The following DYNC1I1 variants were observed in gnomAD, a reference collection of about 807,000 sequenced individuals.
DYNC1I1 encodes the protein cytoplasmic dynein 1 intermediate chain 1.
In DYNC1I1, 43 loss-of-function variants were observed where a neutral mutation model predicts 86.6. That is an observed-to-expected ratio of 0.50 (90% CI 0.39 to 0.64). The LOEUF is 0.64. DYNC1I1 is among the 30% of genes least tolerant of loss of function. The probability of loss-of-function intolerance (pLI) is 0.00; values close to 1 mark genes in which losing one functional copy is unlikely to be tolerated. For missense variants in DYNC1I1, 604 were observed against 788.8 expected, an observed-to-expected ratio of 0.77 and a Z score of 2.81; for synonymous variants, 262 against 283.7, an observed-to-expected ratio of 0.92 and a Z score of 0.77.
chr7:95,892,295 C>T (rs1033349396), intron 6 of DYNC1I1, among the ~76,000 whole-genome samples: 7 of 152,064 alleles, frequency 4.6e-5, no homozygotes, highest in African/African-American at 9.7e-5. Flanking sequence ...CACTGGCCCA[C>T]GCCACCATGC....
intron 6 of DYNC1I1, among the ~76,000 whole-genome samples, chr7:95,944,711 A>G (rs1792345108): frequency 6.6e-6 from 1 of 152,178 alleles, no homozygotes. Context: ...TGATGAGTTC[A>G]TGTCCTTTGG....
At chr7:96,102,659 G>T (rs1427698214), downstream of DYNC1I1, among the ~76,000 whole-genome samples, 14 of 152,146 alleles carry the variant, frequency 9.2e-5, no homozygotes, top group Non-Finnish European at 1.5e-5. Flanking sequence ...TTTGCAGCAG[G>T]TCAAACTGTA....
At chr7:95,947,230 G>T (rs1287481627) in intron 6 of DYNC1I1, among the ~76,000 whole-genome samples, 1 of 152,116 alleles carries the variant, frequency 6.6e-6, no homozygotes, top group Non-Finnish European at 1.5e-5. Context: ...GAAAATCTTA[G>T]GTGCATTTCT....
intron 1 of DYNC1I1, among the ~76,000 whole-genome samples, chr7:95,792,383 C>T (rs940431446): frequency 9.9e-5 from 15 of 152,132 alleles, no homozygotes; most frequent in South Asian, 2.1e-4. Flanking sequence ...TCTGACCGTC[C>T]CCTCCCCTTC....
intron 16 of DYNC1I1, among the ~76,000 whole-genome samples, chr7:96,084,568 G>A (rs42073): frequency 0.41 from 62,040 of 151,054 alleles, 13,561 homozygotes; most frequent in Non-Finnish European, 0.49. Context: ...GATTACAGGC[G>A]CATGCCACAA....
In DYNC1I1 at chr7:95,811,009, A is replaced by T. The variant is rs926881887; in HGVS notation, c.223+503A>T. ...AATGGTGGCAGATTAGCAGCCGATTAACAAGTTTAAATTAATTTGACTTTA... is the reference window on the plus strand; with the variant it reads ...AATGGTGGCAGATTAGCAGCCGATTTACAAGTTTAAATTAATTTGACTTTA... On this transcript the variant is annotated intron_variant, in intron 3 of 16. Coordinates refer to ENST00000447467, the MANE Select transcript of DYNC1I1 (RefSeq NM_001135556.2). Among the ~76,000 whole-genome samples the T allele has an allele frequency of 9.9e-5, 15 of 152,174 alleles. No homozygotes were observed. In the East Asian group the frequency reaches 2.7e-3, roughly 27 times the overall value.
intron 6 of DYNC1I1, among the ~76,000 whole-genome samples, chr7:95,885,364 A>G (rs1423410635): frequency 6.6e-6 from 1 of 152,104 alleles, no homozygotes; most frequent in Non-Finnish European, 1.5e-5. Context: ...TTTAGCAGAG[A>G]TGGGGTTTTC....
intron 1 of DYNC1I1, among the ~76,000 whole-genome samples, chr7:95,787,586 A>AT (rs1341214543): frequency 5.3e-5 from 8 of 152,238 alleles, no homozygotes; most frequent in South Asian, 2.1e-4. Context: ...ACTCAGACAC[A>AT]TTTTTTGCAG....
chr7:95,959,676 G>A (rs548376091), intron 6 of DYNC1I1, among the ~76,000 whole-genome samples: 1 of 152,044 alleles, frequency 6.6e-6, no homozygotes, highest in Non-Finnish European at 1.5e-5. Context: ...TTTACATACC[G>A]GTTCTATTCT....
At chr7:95,860,016 T>C (rs1789834350) in intron 5 of DYNC1I1, among the ~76,000 whole-genome samples, 1 of 152,210 alleles carries the variant, frequency 6.6e-6, no homozygotes, top group African/African-American at 2.4e-5. Context: ...TTTCTTATTA[T>C]TGTGCTACAA....
intron 1 of DYNC1I1, among the ~76,000 whole-genome samples, chr7:95,803,239 C>A (rs1794623756): frequency 6.6e-6 from 1 of 152,156 alleles, no homozygotes; most frequent in South Asian, 2.1e-4. Flanking sequence ...ACTGAGTGAT[C>A]AATAAGCCAA....
At chr7:96,031,719 T>C (rs1190803400) in intron 11 of DYNC1I1, among the ~76,000 whole-genome samples, 1 of 152,170 alleles carries the variant, frequency 6.6e-6, no homozygotes, top group African/African-American at 2.4e-5. Context: ...TTATGGACAG[T>C]AACTCACCAA....
intron 6 of DYNC1I1, among the ~76,000 whole-genome samples, chr7:95,918,503 C>A (rs775099537): frequency 3.3e-5 from 5 of 152,156 alleles, no homozygotes; most frequent in Non-Finnish European, 7.3e-5. Context: ...ATTGTGGAAG[C>A]ATAGATGTAA....
chr7:95,780,937 G>A (rs73708589), intron 1 of DYNC1I1, among the ~76,000 whole-genome samples: 244 of 152,004 alleles, frequency 1.6e-3, no homozygotes, highest in African/African-American at 5.5e-3. Flanking sequence ...CCATCTGCCC[G>A]TTAGTATCAA....
At position 96,027,854 on chromosome 7, in the gene DYNC1I1, G is replaced by A. The variant is rs567304666; in HGVS notation, c.970-321G>A. Among the ~76,000 whole-genome samples, 7 of 152,236 alleles carry A rather than the reference G, an allele frequency of 4.6e-5. No homozygotes were observed. The South Asian group carries it at 1.5e-3, about 32-fold the overall frequency. On this transcript the variant is annotated intron_variant, in intron 10 of 16. Coordinates refer to ENST00000447467, the MANE Select transcript of DYNC1I1 (RefSeq NM_001135556.2). ...TCTGTTGCAATTCTATGTGACAAAT[G>A]GGAAATGTCCATAAAGCAAGATTTA...
intron 6 of DYNC1I1, among the ~76,000 whole-genome samples, chr7:95,969,969 T>C (rs1380330752): frequency 6.6e-6 from 1 of 152,194 alleles, no homozygotes; most frequent in Non-Finnish European, 1.5e-5. Context: ...AATATGTCTT[T>C]CCTGCATATT....
At chr7:95,930,547 A>T (rs142870450) in intron 6 of DYNC1I1, among the ~76,000 whole-genome samples, 2 of 152,294 alleles carry the variant, frequency 1.3e-5, no homozygotes, top group Non-Finnish European at 2.9e-5. Context: ...GTTGCTATGG[A>T]TATCTGAAAT....
At chr7:95,868,180 G>A (rs945082990) in intron 5 of DYNC1I1, among the ~76,000 whole-genome samples, 1 of 152,236 alleles carries the variant, frequency 6.6e-6, no homozygotes, top group Non-Finnish European at 1.5e-5. Context: ...GTTCAGGCCT[G>A]CGTGGAGCCT....
At chr7:95,982,716 T>C (rs889676109) in intron 7 of DYNC1I1, among the ~76,000 whole-genome samples, 2 of 152,076 alleles carry the variant, frequency 1.3e-5, no homozygotes, top group Non-Finnish European at 2.9e-5. Context: ...GCCAAGTGAG[T>C]CTTTTTGAAT....
Sources: gnomAD v4.1 joint callset for allele counts (sites outside exome capture counted in the v4.1 genomes callset) on GRCh38, gnomAD v4.1.1 for gene constraint, MANE v1.5 for transcripts, NCBI Gene and HGNC (gene_info 2026-07-23, HGNC 2026-07-21) for gene names.